The following CYYR1 variants were observed in gnomAD, a reference collection of about 807,000 sequenced individuals.
The protein encoded by CYYR1 is cysteine and tyrosine rich 1.
CYYR1 carries 14 observed loss-of-function variants against 15.2 expected under a neutral mutation model. The ratio of observed to expected loss-of-function variants is 0.92; its 90% CI spans 0.61 to 1.44. The LOEUF (loss-of-function observed/expected upper bound fraction) is 1.44. Among genes scored for constraint, CYYR1 ranks in the 40% most tolerant of loss-of-function variants. The probability of loss-of-function intolerance (pLI) is 0.00; values close to 1 mark genes in which losing one functional copy is unlikely to be tolerated. For missense variants in CYYR1, 228 were observed against 209.5 expected (o/e 1.09, Z -0.54); for synonymous variants, 80 against 77.4 (o/e 1.03, Z -0.18).
Position 26,572,883 on chromosome 21 carries a change from G to A in CYYR1, c.58C>T (p.Leu20Phe). The change falls in exon 1 of 4, where the codon CTC becomes TTC. Residue 20 changes from leucine to phenylalanine, a missense_variant. Transcript: ENST00000652641. ...CGTCACTGACCTGCGTAGACAAAGA[G>A]CAGGACCAACTTCGGAAGCAAGACC... ...PGVLLPKLVLLFVYADDCLAQ... is the reference protein window; with the variant it reads ...PGVLLPKLVLFFVYADDCLAQ... 1 of 1,614,088 alleles carries A rather than the reference G, an allele frequency of 6.2e-7. No homozygotes were observed. Among genetic ancestry groups the A allele is most frequent in the Non-Finnish European group, 8.5e-7 (1 of 1,180,014 alleles).
At chr21:26,482,247 A>G in intron 2 of CYYR1, 1 of 933,484 alleles carries the variant, frequency 1.1e-6, no homozygotes, top group African/African-American at 1.8e-5. Flanking sequence ...ACAAATTATT[A>G]TCGCATTTAT....
At chr21:26,480,108 C>A (rs73349210) in intron 3 of CYYR1, among the ~76,000 whole-genome samples, 164 bp downstream of exon 3, 2,500 of 152,184 alleles carry the variant, frequency 0.016, 76 homozygotes, top group African/African-American at 0.057. Context: ...TTACTTGGAT[C>A]TAAGCAATCT....
At chr21:26,485,925 C>T (rs545431148) in intron 2 of CYYR1, among the ~76,000 whole-genome samples, 4 of 152,218 alleles carry the variant, frequency 2.6e-5, no homozygotes, top group South Asian at 2.1e-4. Flanking sequence ...ATCCTCTCTG[C>T]GTCCTTGCCA....
chr21:26,542,290 CGTGT>C lies in CYYR1; in HGVS notation c.176+23972_176+23975del, dbSNP rs55725152. On this transcript the variant is annotated intron_variant, in intron 2 of 3. Coordinates refer to ENST00000652641, the MANE Select transcript of CYYR1 (RefSeq NM_001320768.2). Reference sequence around the variant, plus strand: ...GAGAGAGAGAATATGTGTGTGTGTGCGTGTGTGTGTGTGTGTGTGTGTGTGTGTG... The same window carrying C: ...GAGAGAGAGAATATGTGTGTGTGTGCGTGTGTGTGTGTGTGTGTGTGTGTG... Among the ~76,000 whole-genome samples, 311 of 128,142 alleles carry C rather than the reference CGTGT, an allele frequency of 2.4e-3. 1 individual carries two copies. Among genetic ancestry groups the C allele is most frequent in the African/African-American group, 4.4e-3 (147 of 33,406 alleles). 84.1% of individuals were successfully genotyped at this position (128,142 alleles called of 152,430 possible).
chr21:26,482,742 C>T (rs568011470), intron 2 of CYYR1, among the ~76,000 whole-genome samples: 3 of 152,156 alleles, frequency 2.0e-5, no homozygotes, highest in Admixed American at 6.6e-5. Flanking sequence ...TGCTTATTGT[C>T]TTCTAGAATT....
chr21:26,476,601 T>C (rs1056787236), intron 3 of CYYR1, among the ~76,000 whole-genome samples: 1 of 151,692 alleles, frequency 6.6e-6, no homozygotes, highest in African/African-American at 2.4e-5. Context: ...TCTATCTATC[T>C]ATCTATCTAT....
intron 2 of CYYR1, among the ~76,000 whole-genome samples, chr21:26,517,358 TAA>T (rs1049300771): frequency 2.6e-5 from 4 of 152,312 alleles, no homozygotes; most frequent in Admixed American, 1.3e-4. Flanking sequence ...TCTTGTCAGA[TAA>T]ATCTAATTAT....
intron 1 of CYYR1, chr21:26,568,590 A>G (rs370596474): frequency 4.6e-5 from 7 of 152,350 alleles, no homozygotes; most frequent in Middle Eastern, 3.4e-3. Context: ...AGCAATTGCA[A>G]CAAAAGCAAT....
chr21:26,474,966 A>G (rs938712122), intron 3 of CYYR1, among the ~76,000 whole-genome samples: 3 of 152,076 alleles, frequency 2.0e-5, no homozygotes, highest in Admixed American at 6.6e-5. Context: ...CAATATTCTT[A>G]TCTCCTTCTC....
chr21:26,474,305 G>A (rs1296778480), intron 3 of CYYR1, among the ~76,000 whole-genome samples: 5 of 151,496 alleles, frequency 3.3e-5, no homozygotes, highest in Non-Finnish European at 7.4e-5. Context: ...CTCCCACCTC[G>A]GCCTCCCAAA....
chr21:26,470,359 A>T (rs2065019197), intron 3 of CYYR1, among the ~76,000 whole-genome samples: 1 of 152,146 alleles, frequency 6.6e-6, no homozygotes, highest in Admixed American at 6.5e-5. Flanking sequence ...TATGTTTTTG[A>T]TATGGTTTGG....
intron 2 of CYYR1, among the ~76,000 whole-genome samples, chr21:26,516,898 G>A (rs193108752): frequency 0.047 from 7,057 of 151,466 alleles, 198 homozygotes; most frequent in African/African-American, 0.06. Context: ...GGCGGATCAC[G>A]AGGTCAGGAG....
intron 2 of CYYR1, among the ~76,000 whole-genome samples, chr21:26,482,038 C>G (rs1483492294): frequency 6.6e-6 from 1 of 151,742 alleles, no homozygotes; most frequent in African/African-American, 2.4e-5. Flanking sequence ...TTCTAATACC[C>G]TCTCTCCTAT....
At chr21:26,526,279 C>A (rs2065864640) in intron 2 of CYYR1, among the ~76,000 whole-genome samples, 1 of 152,034 alleles carries the variant, frequency 6.6e-6, no homozygotes, top group Non-Finnish European at 1.5e-5. Flanking sequence ...GAAATCCCGT[C>A]TCTACTAAAA....
At chr21:26,491,465 G>T (rs930469552) in intron 2 of CYYR1, among the ~76,000 whole-genome samples, 20 of 152,148 alleles carry the variant, frequency 1.3e-4, no homozygotes, top group African/African-American at 4.6e-4. Flanking sequence ...AAGATTGAAT[G>T]CGATATGAAA....
Position 26,529,399 on chromosome 21 carries a change from A to C in CYYR1, c.176+36867T>G, listed in dbSNP as rs879384359. Among the ~76,000 whole-genome samples the C allele has an allele frequency of 5.9e-5, 9 of 152,250 alleles. 1 individual carries two copies. The highest frequency in any genetic ancestry group is 1.2e-4 in the Non-Finnish European group (8 of 68,038). ...ATATTAATATACATTGGAAGCACTC[A>C]CTCATTCAACAAATGCCATGCAATG... On this transcript the variant is annotated intron_variant, in intron 2 of 3. Coordinates refer to ENST00000652641, the MANE Select transcript of CYYR1 (RefSeq NM_001320768.2).
At chr21:26,496,749 C>T (rs749559383) in intron 2 of CYYR1, among the ~76,000 whole-genome samples, 16 of 152,044 alleles carry the variant, frequency 1.1e-4, no homozygotes, top group Admixed American at 2.0e-4. Flanking sequence ...TTTGTGTAGA[C>T]CCGGATAAAT....
intron 2 of CYYR1, among the ~76,000 whole-genome samples, chr21:26,544,162 A>G (rs2123659314): frequency 6.6e-6 from 1 of 152,292 alleles, no homozygotes; most frequent in Middle Eastern, 3.4e-3. Flanking sequence ...ACATTTTGAG[A>G]TTATTAATGA....
chr21:26,483,773 G>A (rs2065215176), intron 2 of CYYR1, among the ~76,000 whole-genome samples: 2 of 152,122 alleles, frequency 1.3e-5, no homozygotes, highest in Non-Finnish European at 2.9e-5. Context: ...GTAAAAGCAT[G>A]ATCTCTGAAG....
Sources: gnomAD v4.1 joint callset for allele counts (sites outside exome capture counted in the v4.1 genomes callset) on GRCh38, gnomAD v4.1.1 for gene constraint, MANE v1.5 for transcripts, NCBI Gene and HGNC (gene_info 2026-07-23, HGNC 2026-07-21) for gene names.